ARHGAP15: variants seen among roughly 807,000 people sequenced by gnomAD.
The protein encoded by ARHGAP15 is rho GTPase-activating protein 15.
In ARHGAP15, 51 loss-of-function variants were observed where a neutral mutation model predicts 63.7. The observed-to-expected ratio is 0.80, with a 90% CI of 0.64 to 1.01. The LOEUF (loss-of-function observed/expected upper bound fraction) is 1.01. ARHGAP15 is among the 50% of genes least tolerant of loss of function. The probability of loss-of-function intolerance (pLI) is 0.00; values close to 1 mark genes in which losing one functional copy is unlikely to be tolerated. For synonymous variants in ARHGAP15, 191 were observed against 193.8 expected, an observed-to-expected ratio of 0.99 and a Z score of 0.12; for missense variants, 560 against 564.6, an observed-to-expected ratio of 0.99 and a Z score of 0.08.
At chr2:143,353,237 C>A (rs1473198005) in intron 6 of ARHGAP15, among the ~76,000 whole-genome samples, 1 of 152,098 alleles carries the variant, frequency 6.6e-6, no homozygotes, top group East Asian at 1.9e-4. Flanking sequence ...CTGCATTGAG[C>A]TATGATCACA....
chr2:143,751,912 G>A (rs903768659), intron 13 of ARHGAP15, among the ~76,000 whole-genome samples: 2 of 152,142 alleles, frequency 1.3e-5, no homozygotes, highest in Non-Finnish European at 2.9e-5. Flanking sequence ...TGCCTTGACT[G>A]CTGGTGCCTG....
chr2:143,207,430 A>C (rs1692375013), intron 3 of ARHGAP15, among the ~76,000 whole-genome samples: 1 of 151,584 alleles, frequency 6.6e-6, no homozygotes, highest in Non-Finnish European at 1.5e-5. Flanking sequence ...GCATACCCGA[A>C]TATTTTTCTG....
At chr2:143,674,027 G>A (rs1039375849) in intron 12 of ARHGAP15, among the ~76,000 whole-genome samples, 10 of 151,630 alleles carry the variant, frequency 6.6e-5, no homozygotes, top group Non-Finnish European at 2.9e-5. Context: ...TGAGCAACTG[G>A]AACTCTTGTA....
At chr2:143,717,853 C>CTT (rs796879427) in intron 13 of ARHGAP15, among the ~76,000 whole-genome samples, 85 of 138,474 alleles carry the variant, frequency 6.1e-4, no homozygotes, top group African/African-American at 1.5e-3. Flanking sequence ...CTTAAAGTGG[C>CTT]TTTTTTTTTT....
At chr2:143,606,875 C>G (rs532737343) in intron 11 of ARHGAP15, 12 of 152,206 alleles carry the variant, frequency 7.9e-5, no homozygotes, top group Non-Finnish European at 1.6e-4. Flanking sequence ...GGGTATGATC[C>G]CAACCAAACA....
intron 6 of ARHGAP15, among the ~76,000 whole-genome samples, chr2:143,285,891 C>A (rs1402330817): frequency 1.3e-5 from 2 of 152,092 alleles, no homozygotes; most frequent in Non-Finnish European, 2.9e-5. Context: ...AACATCAAAC[C>A]ATTATATACC....
chr2:143,446,134 TAAATA>T (rs1224693073), intron 8 of ARHGAP15, among the ~76,000 whole-genome samples: 1 of 148,896 alleles, frequency 6.7e-6, no homozygotes, highest in Non-Finnish European at 1.5e-5. Context: ...AGTTTCCAGA[TAAATA>T]TAATATATAT....
intron 1 of ARHGAP15, among the ~76,000 whole-genome samples, chr2:143,146,708 A>G (rs888994992): frequency 1.3e-5 from 2 of 152,066 alleles, no homozygotes; most frequent in South Asian, 2.1e-4. Flanking sequence ...TAAAGGAGAT[A>G]CTCTGAAAAC....
At chr2:143,650,707 G>A (rs1433285092) in intron 12 of ARHGAP15, among the ~76,000 whole-genome samples, 1 of 151,908 alleles carries the variant, frequency 6.6e-6, no homozygotes, top group Admixed American at 6.6e-5. Context: ...TGGTATTGCT[G>A]GGGTTTCTGT....
At chr2:143,750,555 A>C (rs1686333893) in intron 13 of ARHGAP15, among the ~76,000 whole-genome samples, 1 of 152,230 alleles carries the variant, frequency 6.6e-6, no homozygotes, top group Admixed American at 6.5e-5. Flanking sequence ...TTTCTAAATG[A>C]AGAATCTGAG....
intron 9 of ARHGAP15, among the ~76,000 whole-genome samples, chr2:143,516,733 T>A (rs1693836520): frequency 6.6e-6 from 1 of 152,220 alleles, no homozygotes; most frequent in African/African-American, 2.4e-5. Flanking sequence ...TCTGATCTAC[T>A]GGGTTATTTT....
intron 11 of ARHGAP15, among the ~76,000 whole-genome samples, chr2:143,616,461 A>G (rs1260349547): frequency 6.6e-6 from 1 of 152,240 alleles, no homozygotes; most frequent in Non-Finnish European, 1.5e-5. Flanking sequence ...TGACATGCGC[A>G]TGCTTTGGTC....
intron 1 of ARHGAP15, among the ~76,000 whole-genome samples, chr2:143,135,716 T>C (rs1689109109): frequency 1.3e-5 from 2 of 152,276 alleles, no homozygotes; most frequent in South Asian, 4.1e-4. Context: ...ACTTCTGGAA[T>C]ACTTTTTTCT....
intron 2 of ARHGAP15, among the ~76,000 whole-genome samples, chr2:143,173,935 G>A (rs907596336): frequency 6.6e-6 from 1 of 152,020 alleles, no homozygotes; most frequent in Admixed American, 6.6e-5. Flanking sequence ...CTTTTCAAGG[G>A]GTCGTTCCGA....
chr2:143,526,376 G>A (rs1559028486), intron 10 of ARHGAP15, among the ~76,000 whole-genome samples: 2 of 151,430 alleles, frequency 1.3e-5, no homozygotes, highest in Admixed American at 6.6e-5. Context: ...TACAGCCTGA[G>A]TCTAATTTCC....
intron 6 of ARHGAP15, among the ~76,000 whole-genome samples, chr2:143,355,435 G>T (rs888444629): frequency 1.3e-5 from 2 of 152,012 alleles, no homozygotes; most frequent in Non-Finnish European, 2.9e-5. Flanking sequence ...TCCTTTTTAT[G>T]TTCACCATCT....
chr2:143,202,104 TA>T, intron 2 of ARHGAP15, 29 bp from the exon 3 acceptor site: 1 of 1,567,260 alleles, frequency 6.4e-7, no homozygotes, highest in Non-Finnish European at 8.8e-7. Flanking sequence ...AAAAATTATG[TA>T]ATAATATCCA....
chr2:143,351,067 G>C (rs1329321871), intron 6 of ARHGAP15: 1 of 152,046 alleles, frequency 6.6e-6, no homozygotes, highest in African/African-American at 2.4e-5. Flanking sequence ...GAGTTGTAAA[G>C]ACAATAGACA....
At chr2:143,475,919 G>A (rs1691794026) in intron 8 of ARHGAP15, among the ~76,000 whole-genome samples, 1 of 152,130 alleles carries the variant, frequency 6.6e-6, no homozygotes, top group Non-Finnish European at 1.5e-5. Context: ...AAATTGCAAG[G>A]CATGCTCAGA....
Sources: gnomAD v4.1 joint callset for allele counts (sites outside exome capture counted in the v4.1 genomes callset) on GRCh38, gnomAD v4.1.1 for gene constraint, MANE v1.5 for transcripts, NCBI Gene and HGNC (gene_info 2026-07-23, HGNC 2026-07-21) for gene names.